The following DCDC2C variants were observed in gnomAD, a reference collection of about 807,000 sequenced individuals.
DCDC2C encodes the protein doublecortin domain-containing protein 2C.
DCDC2C carries 44 observed loss-of-function variants against 45.0 expected under a neutral mutation model. The observed-to-expected ratio is 0.98, with a 90% confidence interval of 0.77 to 1.26. DCDC2C has a LOEUF of 1.26. Ranked by LOEUF, DCDC2C falls within the 50% of genes most tolerant of loss-of-function variation. The probability of loss-of-function intolerance (pLI) is 0.00; values close to 1 mark genes in which losing one functional copy is unlikely to be tolerated. For synonymous variants in DCDC2C, 187 were observed against 178.8 expected, an observed-to-expected ratio of 1.05 and a Z score of -0.37; for missense variants, 447 against 468.9, an observed-to-expected ratio of 0.95 and a Z score of 0.43.
At chr2:3,779,009 G>C in intron 9 of DCDC2C, 125 bp downstream of exon 9, 1 of 882,934 alleles carries the variant, frequency 1.1e-6, no homozygotes, top group Non-Finnish European at 1.7e-6. Flanking sequence ...AAGCCAGCGC[G>C]GAATCGGAAG....
intron 10 of DCDC2C, among the ~76,000 whole-genome samples, chr2:3,835,552 C>T (rs1051131701): frequency 6.6e-6 from 1 of 152,150 alleles, no homozygotes; most frequent in Admixed American, 6.5e-5. Context: ...CATTTCTGTT[C>T]CGTATCTGTC....
chr2:3,723,243 C>T (rs1572558973), intron 2 of DCDC2C, among the ~76,000 whole-genome samples: 1 of 152,326 alleles, frequency 6.6e-6, no homozygotes, highest in African/African-American at 2.4e-5. Flanking sequence ...TCCCTGCTCT[C>T]AGAAGCTTCC....
At chr2:3,742,713 T>C (rs1669252220) in intron 4 of DCDC2C, among the ~76,000 whole-genome samples, 1 of 152,008 alleles carries the variant, frequency 6.6e-6, no homozygotes, top group Non-Finnish European at 1.5e-5. Flanking sequence ...GTGAAATGGG[T>C]TTGTGATTAT....
intron 10 of DCDC2C, among the ~76,000 whole-genome samples, chr2:3,841,441 T>C (rs1672212028): frequency 8.0e-6 from 1 of 124,974 alleles, no homozygotes; most frequent in African/African-American, 2.9e-5. Context: ...TTCATATACA[T>C]ACATTTTGAT....
intron 3 of DCDC2C, among the ~76,000 whole-genome samples, chr2:3,733,049 C>T (rs1488765942): frequency 6.6e-6 from 1 of 152,230 alleles, no homozygotes; most frequent in Non-Finnish European, 1.5e-5. Context: ...TAGATTACTT[C>T]CAGGAAAATG....
At chr2:3,801,286 G>T (rs911437225) in intron 10 of DCDC2C, among the ~76,000 whole-genome samples, 1 of 152,210 alleles carries the variant, frequency 6.6e-6, no homozygotes, top group African/African-American at 2.4e-5. Context: ...CCGCTTCCTG[G>T]CTCTGTGACC....
intron 6 of DCDC2C, among the ~76,000 whole-genome samples, chr2:3,758,628 C>T (rs1005948907): frequency 3.3e-5 from 5 of 152,156 alleles, no homozygotes; most frequent in Admixed American, 1.3e-4. Flanking sequence ...CAGTGATCTG[C>T]GTGGTATAAC....
At chr2:3,733,127 A>G (rs949904864) in intron 3 of DCDC2C, among the ~76,000 whole-genome samples, 3 of 152,170 alleles carry the variant, frequency 2.0e-5, no homozygotes, top group Non-Finnish European at 2.9e-5. Context: ...AAACATGCAG[A>G]TCAGTGTGGG....
intron 9 of DCDC2C, among the ~76,000 whole-genome samples, chr2:3,782,702 A>G (rs1670548449): frequency 6.6e-6 from 1 of 151,926 alleles, no homozygotes; most frequent in African/African-American, 2.4e-5. Flanking sequence ...TTGGTTCTCA[A>G]TCTCCTGACC....
At chr2:3,750,246 G>A (rs989982706) in intron 4 of DCDC2C, among the ~76,000 whole-genome samples, 4 of 151,974 alleles carry the variant, frequency 2.6e-5, no homozygotes, top group Non-Finnish European at 2.9e-5. Flanking sequence ...AGCCCCTATC[G>A]CATGGCTATG....
At chr2:3,804,589 T>C (rs1267659510) in intron 10 of DCDC2C, among the ~76,000 whole-genome samples, 1 of 152,230 alleles carries the variant, frequency 6.6e-6, no homozygotes, top group Admixed American at 6.5e-5. Flanking sequence ...TACTGATAAA[T>C]GATTTTGATA....
chr2:3,710,916 A>G (rs1400982741), intron 2 of DCDC2C, among the ~76,000 whole-genome samples: 1 of 152,218 alleles, frequency 6.6e-6, no homozygotes, highest in Non-Finnish European at 1.5e-5. Flanking sequence ...GCTGCAATGA[A>G]TGTATGAGTG....
chr2:3,714,920 T>A (rs1395912712), intron 2 of DCDC2C, among the ~76,000 whole-genome samples: 1 of 152,202 alleles, frequency 6.6e-6, no homozygotes, highest in African/African-American at 2.4e-5. Context: ...CTTCCATTTT[T>A]AAAAAAGTAC....
At chr2:3,784,283 CAATGCA>C (rs1008953939) in intron 9 of DCDC2C, among the ~76,000 whole-genome samples, 3 of 152,108 alleles carry the variant, frequency 2.0e-5, no homozygotes, top group Non-Finnish European at 2.9e-5. Flanking sequence ...ATGTATAAAT[CAATGCA>C]GCCCTTTGGA....
At chr2:3,793,139 A>G (rs879433717) in intron 10 of DCDC2C, among the ~76,000 whole-genome samples, 8 of 152,114 alleles carry the variant, frequency 5.3e-5, no homozygotes, top group Non-Finnish European at 1.2e-4. Context: ...GTCCATAAAT[A>G]CAAACTCGCA....
chr2:3,744,195 A>G (rs1669293868), intron 4 of DCDC2C, among the ~76,000 whole-genome samples: 1 of 152,142 alleles, frequency 6.6e-6, no homozygotes, highest in African/African-American at 2.4e-5. Flanking sequence ...GCTGGGGATG[A>G]GAGAGGAGAA....
chr2:3,764,810 C>T (rs934088351), intron 6 of DCDC2C, among the ~76,000 whole-genome samples: 2 of 152,170 alleles, frequency 1.3e-5, no homozygotes, highest in African/African-American at 2.4e-5. Context: ...GGAGGTCTGA[C>T]ATCTAAATGT....
chr2:3,844,885 G>A (rs953565961), intron 10 of DCDC2C, among the ~76,000 whole-genome samples: 6 of 152,120 alleles, frequency 3.9e-5, no homozygotes, highest in Admixed American at 1.3e-4. Context: ...GCCACTTTGC[G>A]AACGGCACAT....
intron 4 of DCDC2C, among the ~76,000 whole-genome samples, chr2:3,749,088 A>G (rs1389690101): frequency 6.6e-6 from 1 of 152,194 alleles, no homozygotes; most frequent in African/African-American, 2.4e-5. Context: ...AAACAGCCAA[A>G]TTGGCTGTTT....
Sources: gnomAD v4.1 joint callset for allele counts (sites outside exome capture counted in the v4.1 genomes callset) on GRCh38, gnomAD v4.1.1 for gene constraint, MANE v1.5 for transcripts, NCBI Gene and HGNC (gene_info 2026-07-23, HGNC 2026-07-21) for gene names.